FMNL2: variants seen among roughly 807,000 people sequenced by gnomAD.
The protein encoded by FMNL2 is formin like 2.
In FMNL2, 51 loss-of-function variants were observed where a neutral mutation model predicts 130.2. The observed-to-expected ratio is 0.39, with a 90% CI of 0.31 to 0.49. FMNL2 has a LOEUF of 0.49. Among genes scored for constraint, FMNL2 ranks in the 20% least tolerant of loss-of-function variants. The pLI, the probability that FMNL2 is intolerant of heterozygous loss-of-function variation, is 0.85. For synonymous variants in FMNL2, 465 were observed against 467.1 expected, an observed-to-expected ratio of 1.00 and a Z score of 0.06; for missense variants, 977 against 1,316.2, an observed-to-expected ratio of 0.74 and a Z score of 3.99.
In FMNL2 at chr2:152,550,103, TC is replaced by T. The variant is rs546937512; in HGVS notation, c.359+1013del. Among the ~76,000 whole-genome samples, 724 of 152,212 alleles carry T rather than the reference TC, an allele frequency of 4.8e-3. 4 individuals carry two copies. Among genetic ancestry groups the T allele is most frequent in the African/African-American group, 0.017 (688 of 41,522 alleles). On this transcript the variant is annotated intron_variant, in intron 4 of 25. Transcript: ENST00000288670. ...GAAATAATGTTGTTATAAAACCTTT[TC>T]CCCCCCTCATCAATGTCATAATGAA...
At chr2:152,537,558 A>G (rs1324591731) in intron 2 of FMNL2, among the ~76,000 whole-genome samples, 2 of 152,192 alleles carry the variant, frequency 1.3e-5, no homozygotes, top group East Asian at 3.8e-4. Flanking sequence ...CTGCTGGGGT[A>G]CATCCTGTAG....
intron 1 of FMNL2, among the ~76,000 whole-genome samples, chr2:152,444,976 G>A (rs549959058): frequency 7.9e-5 from 12 of 152,280 alleles, no homozygotes; most frequent in East Asian, 3.9e-4. Context: ...CAGTTCTGTC[G>A]TTCTCCTCTG....
intron 25 of FMNL2, among the ~76,000 whole-genome samples, chr2:152,642,662 C>G (rs545714032): frequency 6.6e-6 from 1 of 152,274 alleles, no homozygotes; most frequent in Non-Finnish European, 1.5e-5. Flanking sequence ...GGTCTCAGTG[C>G]CATAAAATGA....
chr2:152,520,329 C>G (rs548598005), intron 1 of FMNL2, among the ~76,000 whole-genome samples: 9 of 152,104 alleles, frequency 5.9e-5, no homozygotes, highest in African/African-American at 1.4e-4. Context: ...CATGGTGGCT[C>G]ACGCCTGTAA....
intron 1 of FMNL2, among the ~76,000 whole-genome samples, chr2:152,470,589 A>T (rs1689802793): frequency 6.6e-6 from 1 of 150,818 alleles, no homozygotes; most frequent in Non-Finnish European, 1.5e-5. Context: ...AATACGCTTA[A>T]TCAACCCATT....
At chr2:152,645,604 A>G in intron 25 of FMNL2, 2 of 923,570 alleles carry the variant, frequency 2.2e-6, no homozygotes, top group East Asian at 6.2e-5. Flanking sequence ...GCTGAGGGTA[A>G]TACTGGTGAG....
intron 25 of FMNL2, among the ~76,000 whole-genome samples, chr2:152,646,590 G>C (rs549507915): frequency 2.5e-4 from 35 of 137,624 alleles, no homozygotes; most frequent in Non-Finnish European, 4.0e-4. Context: ...TGCGGGGGGT[G>C]GGGGGGCACA....
intron 1 of FMNL2, among the ~76,000 whole-genome samples, chr2:152,510,889 G>A (rs948354590): frequency 6.6e-6 from 1 of 152,178 alleles, no homozygotes; most frequent in Non-Finnish European, 1.5e-5. Flanking sequence ...CACGTGTTGT[G>A]GTGAAACCTT....
chr2:152,382,414 GT>G (rs1435304897), intron 1 of FMNL2, among the ~76,000 whole-genome samples: 2 of 152,160 alleles, frequency 1.3e-5, no homozygotes, highest in African/African-American at 4.8e-5. Flanking sequence ...ATTCTGGGAG[GT>G]TTTTGATAAT....
intron 1 of FMNL2, among the ~76,000 whole-genome samples, chr2:152,373,640 A>T (rs1235927968): frequency 6.6e-6 from 1 of 152,148 alleles, no homozygotes; most frequent in Non-Finnish European, 1.5e-5. Flanking sequence ...TCTACACATC[A>T]CTTCATTCTT....
At position 152,467,272 on chromosome 2, in the gene FMNL2, G is replaced by A. The variant is rs145676152; in HGVS notation, c.118-54671G>A. On this transcript the variant is annotated intron_variant, in intron 1 of 25. Coordinates refer to ENST00000288670, the MANE Select transcript of FMNL2 (RefSeq NM_052905.4). Reference sequence around the variant, plus strand: ...TGGAAGTGCCAACATATTCCTCTACGTGCTGAACCTGTTCAGTAATTCTTG... The same window carrying A: ...TGGAAGTGCCAACATATTCCTCTACATGCTGAACCTGTTCAGTAATTCTTG... Among the ~76,000 whole-genome samples the A allele has an allele frequency of 4.8e-3, 723 of 152,156 alleles. 6 individuals are homozygous for A. The highest frequency in any genetic ancestry group is 0.017 in the African/African-American group (687 of 41,496).
chr2:152,607,297 A>G (rs753459066), intron 9 of FMNL2, 42 bp from the exon 10 acceptor site: 5 of 1,539,794 alleles, frequency 3.2e-6, no homozygotes, highest in Non-Finnish European at 1.8e-6. Context: ...TGGAATGTTT[A>G]TGTTTAGAAA....
chr2:152,589,940 C>CATATAT (rs771625998), intron 9 of FMNL2, among the ~76,000 whole-genome samples: 22 of 67,010 alleles, frequency 3.3e-4, no homozygotes, highest in Non-Finnish European at 3.9e-4. Context: ...TGGCTTTATA[C>CATATAT]ATATATATAT....
At chr2:152,516,778 G>T (rs887512410) in intron 1 of FMNL2, among the ~76,000 whole-genome samples, 2 of 152,028 alleles carry the variant, frequency 1.3e-5, no homozygotes, top group African/African-American at 4.8e-5. Context: ...AATGATTTGG[G>T]CACCATCATT....
At chr2:152,401,721 G>C (rs150783028) in intron 1 of FMNL2, among the ~76,000 whole-genome samples, 5 of 152,154 alleles carry the variant, frequency 3.3e-5, no homozygotes, top group African/African-American at 1.2e-4. Flanking sequence ...GAGTTCTCCA[G>C]GTGCTCCTCT....
intron 1 of FMNL2, among the ~76,000 whole-genome samples, chr2:152,368,532 G>C (rs1683696920): frequency 6.6e-6 from 1 of 151,774 alleles, no homozygotes; most frequent in South Asian, 2.1e-4. Context: ...AACCCAAAAA[G>C]TACCTCCTCT....
chr2:152,440,485 G>A (rs1687995801), intron 1 of FMNL2, among the ~76,000 whole-genome samples: 1 of 152,216 alleles, frequency 6.6e-6, no homozygotes, highest in Admixed American at 6.5e-5. Context: ...GCTTGACTGT[G>A]TTTAGGGTCA....
intron 1 of FMNL2, among the ~76,000 whole-genome samples, chr2:152,419,207 T>C (rs1033003422): frequency 4.6e-5 from 7 of 152,252 alleles, no homozygotes; most frequent in African/African-American, 1.7e-4. Context: ...CTTAAGGGGG[T>C]ACAAAGTGAT....
chr2:152,579,382 A>C (rs1221470324), intron 8 of FMNL2, among the ~76,000 whole-genome samples: 1 of 152,184 alleles, frequency 6.6e-6, no homozygotes, highest in African/African-American at 2.4e-5. Flanking sequence ...ATGTAGCTTT[A>C]ATTACTGAAC....
Sources: allele counts gnomAD v4.1 joint callset (sites outside exome capture counted in the v4.1 genomes callset), GRCh38; gene constraint gnomAD v4.1.1; transcripts MANE v1.5; gene names NCBI Gene and HGNC (gene_info 2026-07-23, HGNC 2026-07-21).